FZD3: variants seen among roughly 807,000 people sequenced by gnomAD.
FZD3 encodes the protein frizzled-3.
A neutral mutation model predicts 60.7 loss-of-function variants in FZD3; 30 were observed. That is an observed-to-expected ratio of 0.49 (90% CI 0.37 to 0.67). FZD3 has a LOEUF of 0.67. FZD3 is among the 30% of genes least tolerant of loss of function. The pLI is 0.00. For missense variants in FZD3, 605 were observed against 838.7 expected (o/e 0.72, Z 3.44); for synonymous variants, 246 against 275.2 (o/e 0.89, Z 1.05).
intron 7 of FZD3, among the ~76,000 whole-genome samples, chr8:28,558,443 T>A (rs1045844813): frequency 6.6e-6 from 1 of 151,704 alleles, no homozygotes; most frequent in South Asian, 2.1e-4. Flanking sequence ...TTTATTTTTT[T>A]TTTTTGAGGC....
intron 5 of FZD3, among the ~76,000 whole-genome samples, chr8:28,548,148 C>T (rs1022260865): frequency 8.6e-5 from 13 of 151,886 alleles, no homozygotes; most frequent in Admixed American, 8.5e-4. Context: ...CCACCGTGCC[C>T]AGCTCACTTG....
intron 4 of FZD3, among the ~76,000 whole-genome samples, chr8:28,523,462 C>T (rs1047939929): frequency 1.3e-5 from 2 of 152,080 alleles, no homozygotes; most frequent in African/African-American, 4.8e-5. Context: ...TAGGATCTCG[C>T]TGTGTTGCCC....
At position 28,564,218 on chromosome 8, in the gene FZD3, A is replaced by G. The variant is rs1410937400; in HGVS notation, c.*1207A>G. The G allele has an allele frequency of 6.6e-6, 1 of 152,422 alleles. No homozygotes were observed. The highest frequency in any genetic ancestry group is 6.5e-5 in the Admixed American group (1 of 15,282). The allele number at this position is 152,422 out of a possible 1,614,324, so 9.4% of individuals were successfully genotyped here. A position where few individuals can be genotyped will look rare whatever the true frequency, so the allele number is the denominator to read the frequency against. ...TTAATCTTTAAAAAATCAAGTAAAA[A>G]TGTTTATCTGATAATGTTTAAATAA... On this transcript the variant is annotated 3_prime_UTR_variant, in exon 8 of 8. Coordinates refer to ENST00000240093, the MANE Select transcript of FZD3 (RefSeq NM_017412.4).
At chr8:28,503,720 A>G (rs1418236785) in intron 3 of FZD3, among the ~76,000 whole-genome samples, 2 of 152,206 alleles carry the variant, frequency 1.3e-5, no homozygotes, top group Non-Finnish European at 2.9e-5. Flanking sequence ...TGGTTTTAGA[A>G]TTGAGGACAG....
chr8:28,541,676 T>G (rs1240312360), intron 5 of FZD3, among the ~76,000 whole-genome samples: 2 of 152,238 alleles, frequency 1.3e-5, no homozygotes, highest in East Asian at 3.8e-4. Context: ...TCTATTTACA[T>G]GACACTTTCT....
At chr8:28,546,195 G>C (rs1805289244) in intron 5 of FZD3, among the ~76,000 whole-genome samples, 1 of 152,200 alleles carries the variant, frequency 6.6e-6, no homozygotes, top group Non-Finnish European at 1.5e-5. Context: ...ACACATGACT[G>C]TATAATTTTG....
chr8:28,508,764 A>T (rs1454969249), intron 3 of FZD3, among the ~76,000 whole-genome samples: 2 of 152,174 alleles, frequency 1.3e-5, no homozygotes, highest in East Asian at 3.8e-4. Flanking sequence ...TTCTCAAGCG[A>T]TCCACCTGCC....
chr8:28,558,208 T>C (rs1278778556), intron 7 of FZD3, among the ~76,000 whole-genome samples: 1 of 152,208 alleles, frequency 6.6e-6, no homozygotes, highest in African/African-American at 2.4e-5. Context: ...ATCAGATTTG[T>C]ATTTTAGAAA....
rs1425425534 is a variant in FZD3, at chr8:28,569,817, C to T, written c.*6806C>T. On this transcript the variant is annotated 3_prime_UTR_variant, in exon 8 of 8. Transcript: ENST00000240093. ...TGATACATAGAAAAGAATGACATAACGTTTTGTGGTCTTTGTTCTCTTAAA... is the reference window on the plus strand; with the variant it reads ...TGATACATAGAAAAGAATGACATAATGTTTTGTGGTCTTTGTTCTCTTAAA... The T allele has an allele frequency of 5.9e-5, 9 of 151,996 alleles. No homozygotes were observed. Among genetic ancestry groups the T allele is most frequent in the Admixed American group, 4.6e-4 (7 of 15,262 alleles). The allele number at this position is 151,996 out of a possible 1,614,324, so 9.4% of individuals were successfully genotyped here.
chr8:28,554,810 G>T (rs933983691), intron 6 of FZD3, among the ~76,000 whole-genome samples: 61 of 152,024 alleles, frequency 4.0e-4, no homozygotes, highest in African/African-American at 1.4e-3. Flanking sequence ...TGTAATATGA[G>T]AATTTATAAT....
intron 6 of FZD3, among the ~76,000 whole-genome samples, chr8:28,553,445 A>G (rs1231991804): frequency 6.6e-6 from 1 of 152,240 alleles, no homozygotes; most frequent in Non-Finnish European, 1.5e-5. Flanking sequence ...AGTAAAACAC[A>G]ATGCTGAGGA....
rs935218486 is a variant in FZD3, at chr8:28,574,039, C to A, written c.*11028C>A. 2.6e-5 allele frequency: 4 copies of A among 152,108 alleles called. No homozygotes were observed. Among genetic ancestry groups the A allele is most frequent in the African/African-American group, 9.7e-5 (4 of 41,432 alleles). 9.4% of individuals were successfully genotyped at this position (152,108 alleles called of 1,614,324 possible). On this transcript the variant is annotated 3_prime_UTR_variant, in exon 8 of 8. Transcript: ENST00000240093. The stretch of plus-strand genomic sequence containing the variant: ...GTTGCTGTTGTTGGGATGTACAGGG[C>A]AAGTGCACTTGGTTAGAGCATGAAC...
chr8:28,506,006 C>A (rs1249790969), intron 3 of FZD3, among the ~76,000 whole-genome samples: 3 of 152,146 alleles, frequency 2.0e-5, no homozygotes, highest in Admixed American at 2.0e-4. Flanking sequence ...TCTCTTTTCC[C>A]CTGTGTATGA....
intron 4 of FZD3, among the ~76,000 whole-genome samples, chr8:28,522,957 A>G (rs1804624201): frequency 6.6e-6 from 1 of 151,738 alleles, no homozygotes. Context: ...TTTGGTAGAG[A>G]CGGGGTTTCA....
intron 5 of FZD3, among the ~76,000 whole-genome samples, chr8:28,533,485 A>G (rs541766573): frequency 2.6e-5 from 4 of 152,228 alleles, no homozygotes; most frequent in Non-Finnish European, 4.4e-5. Context: ...TACATTTAAT[A>G]GTTACTTTAA....
At chr8:28,548,409 A>G (rs1805344029) in intron 5 of FZD3, among the ~76,000 whole-genome samples, 1 of 150,208 alleles carries the variant, frequency 6.7e-6, no homozygotes, top group Non-Finnish European at 1.5e-5. Flanking sequence ...CAAGCGAACC[A>G]CCTGCCTCAG....
At chr8:28,501,692 A>G (rs1237910268) in intron 2 of FZD3, among the ~76,000 whole-genome samples, 3 of 152,178 alleles carry the variant, frequency 2.0e-5, no homozygotes, top group Non-Finnish European at 4.4e-5. Flanking sequence ...AGAATCACAC[A>G]TATTTTTGCC....
intron 3 of FZD3, 88 bp from the exon 4 acceptor site, chr8:28,520,549 TA>T: frequency 1.3e-6 from 1 of 791,386 alleles, no homozygotes; most frequent in Non-Finnish European, 1.9e-6. Context: ...AATTTTCTTG[TA>T]ATGAGAAAGA....
chr8:28,528,469 C>T (rs888591260), intron 5 of FZD3, among the ~76,000 whole-genome samples: 3 of 151,356 alleles, frequency 2.0e-5, no homozygotes, highest in Non-Finnish European at 4.4e-5. Flanking sequence ...ACTTTACCAA[C>T]GTTTATAAAA....
Sources: allele counts gnomAD v4.1 joint callset (sites outside exome capture counted in the v4.1 genomes callset), GRCh38; gene constraint gnomAD v4.1.1; transcripts MANE v1.5; gene names NCBI Gene and HGNC (gene_info 2026-07-23, HGNC 2026-07-21).